Variants in CRACDL observed in about 807,000 individuals in gnomAD.
The protein encoded by CRACDL is CRACD-like protein.
A neutral mutation model predicts 70.6 loss-of-function variants in CRACDL; 26 were observed. That is an observed-to-expected ratio of 0.37 (90% CI 0.27 to 0.51). The LOEUF (loss-of-function observed/expected upper bound fraction) is 0.51. Ranked by LOEUF, CRACDL falls within the 20% of genes least tolerant of loss-of-function variation. The pLI is 0.94. For synonymous variants in CRACDL, 618 were observed against 615.2 expected (o/e 1.00, Z -0.07); for missense variants, 1,283 against 1,376.9 (o/e 0.93, Z 1.08).
chr2:98,894,588 C>T (rs966864121), intron 1 of CRACDL, among the ~76,000 whole-genome samples: 6 of 152,100 alleles, frequency 3.9e-5, no homozygotes, highest in South Asian at 2.1e-4. Context: ...TTTATATATA[C>T]GCAATGAGAA....
intron 1 of CRACDL, among the ~76,000 whole-genome samples, chr2:98,920,249 C>T (rs1231862154): frequency 3.9e-5 from 6 of 152,198 alleles, no homozygotes; most frequent in South Asian, 2.1e-4. Context: ...TTTCATTATC[C>T]GGATTGTACA....
chr2:98,795,069 A>ATTTTT (rs1559194957), intron 9 of CRACDL, among the ~76,000 whole-genome samples: 1 of 28,904 alleles, frequency 3.5e-5, no homozygotes, highest in Non-Finnish European at 7.4e-5. Flanking sequence ...ATATATATAT[A>ATTTTT]TATATATATT....
intron 1 of CRACDL, among the ~76,000 whole-genome samples, chr2:98,891,001 G>A (rs969185366): frequency 9.2e-5 from 14 of 151,798 alleles, no homozygotes; most frequent in East Asian, 7.7e-4. Context: ...AGGTTGCAGC[G>A]AGCCAAGATT....
Position 98,883,532 on chromosome 2 carries a change from C to G in CRACDL, c.-10-36722G>C, listed in dbSNP as rs529187355. Among the ~76,000 whole-genome samples, 16 of 152,332 alleles carry G rather than the reference C, an allele frequency of 1.1e-4. No individual in the cohort carries two copies. In the East Asian group the frequency reaches 3.1e-3, roughly 29 times the overall value. On this transcript the variant is annotated intron_variant, in intron 1 of 9. Transcript: ENST00000397899. ...TGAGACCTGCACCTGGAAAGCTCAG[C>G]CTGGAGTCATGTACGTATCAGGTGC...
rs567310187 is a variant in CRACDL at position 98,883,490 on chromosome 2, C to T, written c.-10-36680G>A. ...ATAAACAAGGCTGAAAGTTCTCAGG[C>T]GCCTGCACTGCTGGCCTGAGACCTG... is the stretch of plus-strand genomic sequence containing the variant. On this transcript the variant is annotated intron_variant, in intron 1 of 9. Coordinates refer to ENST00000397899, the MANE Select transcript of CRACDL (RefSeq NM_207362.3). 3.3e-5 allele frequency among the ~76,000 whole-genome samples: 5 copies of T among 152,298 alleles called. No individual in the cohort carries two copies. In the South Asian group the frequency reaches 8.3e-4, roughly 25 times the overall value.
chr2:98,911,178 T>C (rs574942764), intron 1 of CRACDL, among the ~76,000 whole-genome samples: 1 of 152,156 alleles, frequency 6.6e-6, no homozygotes, highest in Non-Finnish European at 1.5e-5. Context: ...GCCTCAAGTA[T>C]CTCGTCCTTA....
At chr2:98,837,058 C>T (rs1705819035) in intron 3 of CRACDL, among the ~76,000 whole-genome samples, 1 of 149,024 alleles carries the variant, frequency 6.7e-6, no homozygotes, top group South Asian at 2.1e-4. Context: ...GCACTCCAGC[C>T]TGGGCGACAG....
chr2:98,895,064 T>C (rs1223470976), intron 1 of CRACDL, among the ~76,000 whole-genome samples: 1 of 152,092 alleles, frequency 6.6e-6, no homozygotes, highest in Non-Finnish European at 1.5e-5. Context: ...CGGTCCATGA[T>C]CATACCACTA....
At chr2:98,921,438 C>A (rs1052685838) in intron 1 of CRACDL, among the ~76,000 whole-genome samples, 2 of 152,260 alleles carry the variant, frequency 1.3e-5, no homozygotes, top group Non-Finnish European at 2.9e-5. Flanking sequence ...AGGCCTTGGG[C>A]TCGGAAGGCT....
At chr2:98,812,892 C>T (rs1279129206) in intron 7 of CRACDL, among the ~76,000 whole-genome samples, 1 of 152,098 alleles carries the variant, frequency 6.6e-6, no homozygotes, top group Non-Finnish European at 1.5e-5. Flanking sequence ...ATCAAATTTT[C>T]CACTTTGGAT....
At chr2:98,890,256 G>GT (rs1273628944) in intron 1 of CRACDL, among the ~76,000 whole-genome samples, 2 of 152,210 alleles carry the variant, frequency 1.3e-5, no homozygotes, top group Middle Eastern at 6.8e-3. Flanking sequence ...CAAACCTTTA[G>GT]TTAGACTGAC....
In CRACDL at chr2:98,812,480, A is replaced by T. The variant is rs1704613952; in HGVS notation, c.2416+9377T>A. Among the ~76,000 whole-genome samples the T allele has an allele frequency of 2.6e-5, 4 of 152,228 alleles. No individual in the cohort carries two copies. The South Asian group carries it at 8.3e-4, about 32-fold the overall frequency. The stretch of plus-strand genomic sequence containing the variant: ...CATTGGCCATAGAGATAATACTCTA[A>T]TGAGAATTGCATTTTCTCCACATCC... On this transcript the variant is annotated intron_variant, in intron 7 of 9. Transcript: ENST00000397899.
chr2:98,880,932 T>G (rs1339564569), intron 1 of CRACDL, among the ~76,000 whole-genome samples: 3 of 152,178 alleles, frequency 2.0e-5, no homozygotes, highest in African/African-American at 4.8e-5. Context: ...AAGGAGAACT[T>G]GCAGAATGCC....
chr2:98,873,181 T>C (rs1017615217), intron 1 of CRACDL, among the ~76,000 whole-genome samples: 2 of 152,246 alleles, frequency 1.3e-5, no homozygotes, highest in Non-Finnish European at 2.9e-5. Flanking sequence ...GAACCCTCGA[T>C]GTCAGGACCT....
chr2:98,873,370 C>T (rs1007648377), intron 1 of CRACDL, among the ~76,000 whole-genome samples: 2 of 152,242 alleles, frequency 1.3e-5, no homozygotes, highest in African/African-American at 4.8e-5. Context: ...GGCCACAAGG[C>T]AAGTCAGCAC....
intron 1 of CRACDL, among the ~76,000 whole-genome samples, chr2:98,858,815 C>T (rs946170095): frequency 6.6e-6 from 1 of 151,990 alleles, no homozygotes; most frequent in African/African-American, 2.4e-5. Context: ...TCACTACCAA[C>T]CTTACAGAAA....
chr2:98,872,494 T>C (rs1235206882), intron 1 of CRACDL, among the ~76,000 whole-genome samples: 2 of 152,178 alleles, frequency 1.3e-5, no homozygotes, highest in South Asian at 2.1e-4. Context: ...TTGGGTACAA[T>C]GTGGACTATT....
intron 1 of CRACDL, among the ~76,000 whole-genome samples, chr2:98,875,898 C>T (rs1368780522): frequency 2.0e-5 from 3 of 152,224 alleles, no homozygotes; most frequent in African/African-American, 7.2e-5. Context: ...CAGATGCCAA[C>T]GATTTGCCCC....
chr2:98,836,045 C>T (rs762101323), intron 3 of CRACDL, among the ~76,000 whole-genome samples: 8 of 152,258 alleles, frequency 5.3e-5, no homozygotes, highest in Middle Eastern at 3.4e-3. Flanking sequence ...TTGAGTCACA[C>T]CAAGAGAAAG....
Sources: allele counts gnomAD v4.1 joint callset (sites outside exome capture counted in the v4.1 genomes callset), GRCh38; gene constraint gnomAD v4.1.1; transcripts MANE v1.5; gene names NCBI Gene and HGNC (gene_info 2026-07-23, HGNC 2026-07-21).